CCDC14: variants seen among roughly 807,000 people sequenced by gnomAD.
CCDC14 encodes the protein coiled-coil domain-containing protein 14.
CCDC14 carries 71 observed loss-of-function variants against 81.4 expected under a neutral mutation model. The ratio of observed to expected loss-of-function variants is 0.87; its 90% confidence interval spans 0.72 to 1.06. The LOEUF is 1.06. Ranked by LOEUF, CCDC14 falls within the 50% of genes least tolerant of loss-of-function variation. CCDC14 has a pLI of 0.00. For missense variants in CCDC14, 1,046 were observed against 1,047.3 expected (o/e 1.00, Z 0.02); for synonymous variants, 332 against 364.8 (o/e 0.91, Z 1.03).
At chr3:123,922,496 A>G (rs1363283857) in intron 12 of CCDC14, among the ~76,000 whole-genome samples, 1 of 152,160 alleles carries the variant, frequency 6.6e-6, no homozygotes, top group Non-Finnish European at 1.5e-5. Context: ...AGGAGAGAGA[A>G]GACTTAAATG....
intron 1 of CCDC14, chr3:123,957,586 T>C (rs1189771557): frequency 3.9e-5 from 6 of 152,064 alleles, no homozygotes; most frequent in Non-Finnish European, 7.4e-5. Flanking sequence ...GTTTTAAAAG[T>C]GACAATAATG....
At chr3:123,921,824 T>C (rs2035064491) in intron 12 of CCDC14, among the ~76,000 whole-genome samples, 1 of 152,246 alleles carries the variant, frequency 6.6e-6, no homozygotes, top group Non-Finnish European at 1.5e-5. Context: ...AAACCCATCC[T>C]GGGCTGCATG....
At chr3:123,921,603 T>C (rs1011956158) in intron 12 of CCDC14, among the ~76,000 whole-genome samples, 5 of 152,174 alleles carry the variant, frequency 3.3e-5, no homozygotes, top group African/African-American at 9.7e-5. Context: ...ATCTTTTAGA[T>C]AGAAAATCAA....
chr3:123,908,300 G>T (rs369824980), intron 5 of CCDC14, among the ~76,000 whole-genome samples: 2 of 152,232 alleles, frequency 1.3e-5, no homozygotes, highest in African/African-American at 4.8e-5. Context: ...CTTTGAGATC[G>T]TATCTCCTCA....
chr3:123,914,025 T>C lies in CCDC14; in HGVS notation c.*754A>G. ...ATGCCAAGATTTACAAATTCCATCA[T>C]GTTTAAATATAAGGACAAAAATAAA... is the stretch of plus-strand genomic sequence containing the variant. On this transcript the variant is annotated 3_prime_UTR_variant, in exon 13 of 13. Coordinates refer to ENST00000409697, the MANE Select transcript of CCDC14 (RefSeq NM_001366335.1). The C allele has an allele frequency of 1.0e-6, 1 of 985,256 alleles. No individual in the cohort carries two copies. Among genetic ancestry groups the C allele is most frequent in the Non-Finnish European group, 1.2e-6 (1 of 829,440 alleles). 61.0% of individuals were successfully genotyped at this position (985,256 alleles called of 1,614,324 possible). A position where few individuals can be genotyped will look rare whatever the true frequency, so the allele number is the denominator to read the frequency against.
At chr3:123,912,506 C>T (rs1436230162), downstream of CCDC14, among the ~76,000 whole-genome samples, 3 of 152,174 alleles carry the variant, frequency 2.0e-5, no homozygotes, top group Non-Finnish European at 4.4e-5. Flanking sequence ...TTTGATTTTT[C>T]TATCCTCTGT....
intron 5 of CCDC14, among the ~76,000 whole-genome samples, chr3:123,904,136 C>T (rs1287036445): frequency 6.6e-6 from 1 of 152,002 alleles, no homozygotes; most frequent in Non-Finnish European, 1.5e-5. Flanking sequence ...TACTAACTAG[C>T]CATTGAAGAG....
intron 12 of CCDC14, among the ~76,000 whole-genome samples, chr3:123,924,824 A>C (rs2035262365): frequency 6.6e-6 from 1 of 152,050 alleles, no homozygotes; most frequent in Non-Finnish European, 1.5e-5. Context: ...ATTAGTATAG[A>C]CACAATGGGA....
At chr3:123,918,220 A>C (rs1198340239) in intron 12 of CCDC14, among the ~76,000 whole-genome samples, 1 of 152,168 alleles carries the variant, frequency 6.6e-6, no homozygotes, top group Admixed American at 6.5e-5. Context: ...CAAAACTAAA[A>C]ACAAATTTTT....
At chr3:123,937,480 G>C (rs894677697) in intron 9 of CCDC14, among the ~76,000 whole-genome samples, 1 of 151,882 alleles carries the variant, frequency 6.6e-6, no homozygotes, top group Admixed American at 6.6e-5. Flanking sequence ...ATTTGGTGAA[G>C]TGTCTGTTCA....
chr3:123,887,906 TA>T, the CCDC14 span, among the ~76,000 whole-genome samples: 3 of 152,132 alleles, frequency 2.0e-5, no homozygotes, highest in Non-Finnish European at 4.4e-5. Context: ...CACTTTCCCT[TA>T]AATCTTTTTA....
intron 12 of CCDC14, among the ~76,000 whole-genome samples, chr3:123,928,265 A>G (rs970063333): frequency 6.9e-6 from 1 of 145,434 alleles, no homozygotes. Context: ...TGGGAGGCTG[A>G]GGCTGGTGGA....
At chr3:123,935,733 C>G (rs184019007) in intron 9 of CCDC14, among the ~76,000 whole-genome samples, 3 of 152,146 alleles carry the variant, frequency 2.0e-5, no homozygotes, top group Non-Finnish European at 4.4e-5. Flanking sequence ...ACAACAGAAG[C>G]TTTCCTCGAT....
At chr3:123,928,706 C>T (rs1029779401) in intron 12 of CCDC14, among the ~76,000 whole-genome samples, 1 of 152,118 alleles carries the variant, frequency 6.6e-6, no homozygotes, top group Non-Finnish European at 1.5e-5. Flanking sequence ...ATCCATTCAT[C>T]CGTCTACCTC....
intron 5 of CCDC14, among the ~76,000 whole-genome samples, chr3:123,952,091 G>GCA (rs2037053957): frequency 1.3e-5 from 2 of 152,192 alleles, no homozygotes; most frequent in South Asian, 4.1e-4. Context: ...TTACACCAAC[G>GCA]CACTCTACAT....
rs200913670 is a variant in CCDC14, at chr3:123,931,605, A to C, written c.1427-79T>G. 167,615 of 684,300 alleles carry C rather than the reference A, an allele frequency of 0.24. 15,934 individuals are homozygous for C. The highest frequency in any genetic ancestry group is 0.3 in the Non-Finnish European group (128,914 of 430,966). The allele number at this position is 684,300 out of a possible 1,614,324, so 42.4% of individuals were successfully genotyped here. A position where few individuals can be genotyped will look rare whatever the true frequency, so the allele number is the denominator to read the frequency against. On this transcript the variant is annotated intron_variant, in intron 10 of 12. Transcript: ENST00000409697. ...CTTGGAAAATACCTGTTTCTTAAAAAAAAAAAAAAAAGGCCTGAAATTTAT... is the reference window on the plus strand; with the variant it reads ...CTTGGAAAATACCTGTTTCTTAAAACAAAAAAAAAAAGGCCTGAAATTTAT...
At position 123,914,091 on chromosome 3, in the gene CCDC14, T is replaced by C. The variant is rs549004044; in HGVS notation, c.*688A>G. The C allele has an allele frequency of 2.0e-6, 2 of 985,670 alleles. No individual in the cohort carries two copies. Among genetic ancestry groups the C allele is most frequent in the Admixed American group, 1.2e-4 (2 of 16,282 alleles). The allele number at this position is 985,670 out of a possible 1,614,324, so 61.1% of individuals were successfully genotyped here. A position where few individuals can be genotyped will look rare whatever the true frequency, so the allele number is the denominator to read the frequency against. ...AAAAACCCACAAATTTCCCCAACTA[T>C]AGCTTATCTGTTAGCACTTCTTTAT... On this transcript the variant is annotated 3_prime_UTR_variant, in exon 13 of 13. Transcript: ENST00000409697.
At chr3:123,951,848 C>A (rs1191472499) in intron 5 of CCDC14, among the ~76,000 whole-genome samples, 1 of 152,184 alleles carries the variant, frequency 6.6e-6, no homozygotes, top group Non-Finnish European at 1.5e-5. Context: ...ACTAAAATGA[C>A]ATATTCTGCT....
chr3:123,917,745 T>A (rs2034798695), intron 12 of CCDC14, among the ~76,000 whole-genome samples: 1 of 152,052 alleles, frequency 6.6e-6, no homozygotes, highest in Admixed American at 6.5e-5. Context: ...GGTGGGAGTG[T>A]ACAGTGGTAT....
Sources: gnomAD v4.1 joint callset for allele counts (sites outside exome capture counted in the v4.1 genomes callset) on GRCh38, gnomAD v4.1.1 for gene constraint, MANE v1.5 for transcripts, NCBI Gene and HGNC (gene_info 2026-07-23, HGNC 2026-07-21) for gene names.